Variants in RNLS observed in about 807,000 individuals in gnomAD.
RNLS encodes renalase, FAD dependent amine oxidase.
RNLS carries 39 observed loss-of-function variants against 39.8 expected under a neutral mutation model. The ratio of observed to expected loss-of-function variants is 0.98; its 90% CI spans 0.76 to 1.28. RNLS has a LOEUF of 1.28. Ranked by LOEUF, RNLS falls within the 50% of genes most tolerant of loss-of-function variation. RNLS has a pLI of 0.00. For missense variants in RNLS, 410 were observed against 413.3 expected (o/e 0.99, Z 0.07); for synonymous variants, 147 against 150.7 (o/e 0.98, Z 0.18).
chr10:88,412,027 G>T (rs528946635), intron 4 of RNLS, among the ~76,000 whole-genome samples: 1 of 152,050 alleles, frequency 6.6e-6, no homozygotes, highest in Admixed American at 6.6e-5. Flanking sequence ...AGTTTGAGCC[G>T]TTTATCTGAC....
chr10:88,554,192 C>T (rs1002724533), intron 4 of RNLS, among the ~76,000 whole-genome samples: 1 of 151,232 alleles, frequency 6.6e-6, no homozygotes, highest in African/African-American at 2.4e-5. Context: ...AAAAGCTGAA[C>T]TTGGGCATGT....
At chr10:88,239,558 C>A in the RNLS span, among the ~76,000 whole-genome samples, 1 of 152,228 alleles carries the variant, frequency 6.6e-6, no homozygotes, top group African/African-American at 2.4e-5. Flanking sequence ...AAGTTATCAT[C>A]ATTTTCAACT....
At chr10:88,364,225 G>T (rs953397228) in intron 4 of RNLS, among the ~76,000 whole-genome samples, 1 of 152,100 alleles carries the variant, frequency 6.6e-6, no homozygotes, top group South Asian at 2.1e-4. Flanking sequence ...TTTAATTGGG[G>T]TAAAATATCC....
chr10:88,204,493 T>C, the RNLS span, among the ~76,000 whole-genome samples: 7 of 152,150 alleles, frequency 4.6e-5, no homozygotes, highest in Admixed American at 4.6e-4. Flanking sequence ...AAAGCAATGG[T>C]TACCTAAACA....
the RNLS span, among the ~76,000 whole-genome samples, chr10:88,254,587 T>A: frequency 6.6e-6 from 1 of 152,362 alleles, no homozygotes; most frequent in East Asian, 1.9e-4. Flanking sequence ...CACACCTGTA[T>A]TTTTTGCTTA....
At chr10:88,506,978 T>A (rs1266367377) in intron 4 of RNLS, among the ~76,000 whole-genome samples, 1 of 151,846 alleles carries the variant, frequency 6.6e-6, no homozygotes, top group Non-Finnish European at 1.5e-5. Context: ...TAAAAAGTGA[T>A]GCACTTCCAG....
intron 6 of RNLS, among the ~76,000 whole-genome samples, chr10:88,294,245 C>A (rs1051610766): frequency 6.6e-6 from 1 of 152,092 alleles, no homozygotes; most frequent in African/African-American, 2.4e-5. Flanking sequence ...GGAGAAGTGT[C>A]AATAAATGAA....
At chr10:88,181,209 G>A in the RNLS span, among the ~76,000 whole-genome samples, 110 of 152,280 alleles carry the variant, frequency 7.2e-4, no homozygotes, top group African/African-American at 2.6e-3. Flanking sequence ...AGAAGGACTG[G>A]CCCCATCATA....
chr10:88,181,643 G>T, the RNLS span, among the ~76,000 whole-genome samples: 1 of 152,080 alleles, frequency 6.6e-6, no homozygotes, highest in African/African-American at 2.4e-5. Flanking sequence ...TTTATTTAAG[G>T]GTAAGTATGC....
intron 4 of RNLS, among the ~76,000 whole-genome samples, chr10:88,544,445 T>C (rs1353886752): frequency 6.6e-6 from 1 of 152,226 alleles, no homozygotes; most frequent in Non-Finnish European, 1.5e-5. Flanking sequence ...ATATTTCTGT[T>C]TTGTCCCATT....
In RNLS at chr10:88,566,035, C is replaced by T. The variant is rs1271985087; in HGVS notation, c.526+6868G>A. Among the ~76,000 whole-genome samples the T allele has an allele frequency of 2.6e-5, 4 of 151,936 alleles. No homozygotes were observed. The East Asian group carries it at 7.7e-4, about 29-fold the overall frequency. Reference sequence around the variant, plus strand: ...GTGTTGGGATTACAGGCAGAAGCCACCGCGCCCGGCCAATATCATTTTTTA... The same window carrying T: ...GTGTTGGGATTACAGGCAGAAGCCATCGCGCCCGGCCAATATCATTTTTTA... On this transcript the variant is annotated intron_variant, in intron 4 of 6. Transcript: ENST00000331772.
intron 4 of RNLS, among the ~76,000 whole-genome samples, chr10:88,477,365 G>A (rs1469147825): frequency 6.6e-6 from 1 of 152,142 alleles, no homozygotes; most frequent in Non-Finnish European, 1.5e-5. Context: ...GTGACAATGG[G>A]ATGTCAGTTA....
At chr10:88,469,813 ATGTGTGTGCGTGTGTGTGTG>A (rs1843407819) in intron 4 of RNLS, among the ~76,000 whole-genome samples, 1 of 128,122 alleles carries the variant, frequency 7.8e-6, no homozygotes, top group Non-Finnish European at 1.7e-5. Flanking sequence ...CAATATTTTT[ATGTGTGTGCGTGTGTGTGTG>A]TGTGTGTGTG....
Position 88,393,608 on chromosome 10 carries a change from C to T in RNLS, c.527-30883G>A, listed in dbSNP as rs541084823. The stretch of plus-strand genomic sequence containing the variant: ...GGCAGAATCAATATCGTGAAAATGG[C>T]CATACTGCCCAAGGTAATTTATAGA... On this transcript the variant is annotated intron_variant, in intron 4 of 6. Transcript: ENST00000331772. Among the ~76,000 whole-genome samples the T allele has an allele frequency of 5.5e-4, 84 of 152,248 alleles. 1 individual carries two copies. The highest frequency in any genetic ancestry group is 9.7e-4 in the Non-Finnish European group (66 of 68,024).
At chr10:88,256,680 C>T in the RNLS span, among the ~76,000 whole-genome samples, 4 of 152,090 alleles carry the variant, frequency 2.6e-5, no homozygotes, top group Non-Finnish European at 5.9e-5. Flanking sequence ...TAATTGAGTA[C>T]GAAAGAGGCT....
At chr10:88,530,782 T>C (rs971524944) in intron 4 of RNLS, among the ~76,000 whole-genome samples, 17 of 152,106 alleles carry the variant, frequency 1.1e-4, no homozygotes, top group Non-Finnish European at 2.4e-4. Context: ...AAATATAACA[T>C]TTTTCTCACA....
intron 4 of RNLS, 76 bp downstream of exon 4, chr10:88,572,827 A>G: frequency 6.8e-7 from 1 of 1,476,864 alleles, no homozygotes; most frequent in African/African-American, 1.4e-5. Flanking sequence ...CTTTGCGAAG[A>G]GAGTTAAACC....
At chr10:88,335,706 A>G (rs1847439721) in intron 5 of RNLS, among the ~76,000 whole-genome samples, 1 of 152,224 alleles carries the variant, frequency 6.6e-6, no homozygotes, top group South Asian at 2.1e-4. Context: ...TTTGTTCAAA[A>G]TAACTACATT....
At chr10:88,428,345 G>C (rs1034921725) in intron 4 of RNLS, among the ~76,000 whole-genome samples, 2 of 151,892 alleles carry the variant, frequency 1.3e-5, no homozygotes, top group African/African-American at 2.4e-5. Context: ...TAATGTGAAA[G>C]GTTCACTTTT....
Sources: allele counts gnomAD v4.1 joint callset (sites outside exome capture counted in the v4.1 genomes callset), GRCh38; gene constraint gnomAD v4.1.1; transcripts MANE v1.5; gene names NCBI Gene and HGNC (gene_info 2026-07-23, HGNC 2026-07-21).